DYNC2I1: variants seen among roughly 807,000 people sequenced by gnomAD.
DYNC2I1 encodes dynein 2 intermediate chain 1, also known as cytoplasmic dynein 2 intermediate chain 1.
DYNC2I1 carries 89 observed loss-of-function variants against 133.4 expected under a neutral mutation model. The observed-to-expected ratio is 0.67, with a 90% CI of 0.56 to 0.80. The LOEUF (loss-of-function observed/expected upper bound fraction) is 0.80, where lower values mean the gene tolerates loss of function less well. Among genes scored for constraint, DYNC2I1 ranks in the 30% least tolerant of loss-of-function variants. DYNC2I1 has a pLI of 0.00. For missense variants in DYNC2I1, 1,291 were observed against 1,314.5 expected (o/e 0.98, Z 0.28); for synonymous variants, 504 against 484.3 (o/e 1.04, Z -0.54).
At chr7:158,862,131 C>T (rs1841912188) in intron 1 of DYNC2I1, among the ~76,000 whole-genome samples, 1 of 152,128 alleles carries the variant, frequency 6.6e-6, no homozygotes, top group African/African-American at 2.4e-5. Flanking sequence ...GCCGTTAGTG[C>T]TCCTGCTCAT....
At chr7:158,953,031 T>C (rs1852101446) in intron 4 of DYNC2I1, among the ~76,000 whole-genome samples, 1 of 152,186 alleles carries the variant, frequency 6.6e-6, no homozygotes, top group African/African-American at 2.4e-5. Context: ...CCAGGTGGCA[T>C]CCGCACCCAT....
At chr7:158,915,653 G>A (rs1354147285) in intron 14 of DYNC2I1, among the ~76,000 whole-genome samples, 33 of 142,326 alleles carry the variant, frequency 2.3e-4, no homozygotes, top group African/African-American at 6.1e-4. Flanking sequence ...ACCTCGACAC[G>A]GTGGTTGACA....
intron 20 of DYNC2I1, among the ~76,000 whole-genome samples, chr7:158,927,678 A>C (rs780480598): frequency 5.3e-5 from 8 of 151,934 alleles, no homozygotes; most frequent in Non-Finnish European, 2.9e-5. Flanking sequence ...CAACCTCCCA[A>C]GTAGCTGGGA....
chr7:158,920,151 CAT>C (rs1478544343), intron 15 of DYNC2I1, among the ~76,000 whole-genome samples: 16 of 151,078 alleles, frequency 1.1e-4, no homozygotes, highest in Non-Finnish European at 2.4e-4. Context: ...CGTCAGAGAA[CAT>C]GTGAAGTGTG....
At chr7:158,911,470 A>G (rs1191199522) in intron 11 of DYNC2I1, 80 bp from the exon 12 acceptor site, 1 of 1,470,590 alleles carries the variant, frequency 6.8e-7, no homozygotes. Flanking sequence ...TTTAACTCTA[A>G]GTTTACTTCT....
chr7:158,879,699 A>C lies in DYNC2I1; in HGVS notation c.589A>C (p.Ser197Arg). Residue 197 changes from serine (S) to arginine (R), a missense_variant, in exon 5 of 25, where the codon AGC becomes CGC. By Grantham distance (110) the Ser-to-Arg change is moderately radical. Transcript: ENST00000407559. ...YRERKLQYGDSKDNPLKYWLY... is the reference protein window; with the variant it reads ...YRERKLQYGDRKDNPLKYWLY... ...TGTTTTACAGCTGCAGTACGGAGAC[A>C]GCAAGGACAACCCTCTCAAGTACTG... 6.3e-7 allele frequency: 1 copy of C among 1,587,722 alleles called. No individual in the cohort carries two copies. Among genetic ancestry groups the C allele is most frequent in the Non-Finnish European group, 8.5e-7 (1 of 1,172,196 alleles).
intron 23 of DYNC2I1, among the ~76,000 whole-genome samples, chr7:158,935,367 A>T (rs1240997348): frequency 6.6e-6 from 1 of 152,272 alleles, no homozygotes; most frequent in Non-Finnish European, 1.5e-5. Context: ...GACAGAAGGC[A>T]AAATATTAAA....
upstream of DYNC2I1, among the ~76,000 whole-genome samples, chr7:158,853,634 C>T (rs1007940566): frequency 6.6e-5 from 10 of 151,052 alleles, no homozygotes; most frequent in South Asian, 2.1e-4. Context: ...CACGCAGAGC[C>T]GGCTGTATGG....
At chr7:158,893,994 CATATCATACCGT>C (rs1213940380) in intron 8 of DYNC2I1, among the ~76,000 whole-genome samples, 1 of 151,970 alleles carries the variant, frequency 6.6e-6, no homozygotes, top group Admixed American at 6.6e-5. Flanking sequence ...TGTCACACCA[CATATCATACCGT>C]ATATCATAGT....
chr7:158,949,074 C>T (rs901124880), downstream of DYNC2I1, among the ~76,000 whole-genome samples: 6 of 152,294 alleles, frequency 3.9e-5, no homozygotes, highest in East Asian at 9.7e-4. Flanking sequence ...CGTCTGCCCC[C>T]GAGAGAGCAG....
At chr7:158,929,053 TGAGTATTTCATTTTAA>T (rs1267859023) in intron 20 of DYNC2I1, among the ~76,000 whole-genome samples, 1 of 152,190 alleles carries the variant, frequency 6.6e-6, no homozygotes. Flanking sequence ...CCTGGGGTGG[TGAGTATTTCATTTTAA>T]AATATTGATG....
Position 158,941,967 on chromosome 7 carries a change from TCC to T in DYNC2I1, c.2822_2823del (p.Ser941CysfsTer69), listed in dbSNP as rs748826622. The T allele has an allele frequency of 1.9e-6, 3 of 1,612,156 alleles. No homozygotes were observed. Among genetic ancestry groups the T allele is most frequent in the Non-Finnish European group, 2.5e-6 (3 of 1,179,234 alleles). ...DGSIRLHQLSSAFPLLQWDSS... is the reference protein window; with the variant it reads ...DGSIRLHQLSXAFPLLQWDSS... ...AAGCATCAGGCTGCACCAGCTGAGC[TCC>T]GCGTTTCCGCTCCTGCAGTGGGACA... On this transcript the variant is annotated frameshift_variant, in exon 24 of 25. Coordinates refer to ENST00000407559, the MANE Select transcript of DYNC2I1 (RefSeq NM_018051.5). LOFTEE classifies it high-confidence loss of function.
Position 158,945,463 on chromosome 7 carries a change from T to C in DYNC2I1, c.3003-118T>C. 9.4e-6 allele frequency: 11 copies of C among 1,171,328 alleles called. No individual in the cohort carries two copies. Among genetic ancestry groups the C allele is most frequent in the South Asian group, 1.6e-5 (1 of 62,912 alleles). 72.6% of individuals were successfully genotyped at this position (1,171,328 alleles called of 1,614,324 possible). ...AGCTTTCATTTTGGCTATTGGTATT[T>C]TTAGAATTTCTCATCCGTTTCACTC... On this transcript the variant is annotated intron_variant, in intron 24 of 24. Transcript: ENST00000407559. This position sits in a 1 kb window ranked among gnomAD's most constrained non-coding sequence, Gnocchi z 4.1.
intron 17 of DYNC2I1, among the ~76,000 whole-genome samples, chr7:158,924,760 T>C (rs1849448033): frequency 6.6e-6 from 1 of 152,068 alleles, no homozygotes; most frequent in Non-Finnish European, 1.5e-5. Flanking sequence ...AATACATCCT[T>C]CTTTTTTTTT....
At chr7:158,839,713 G>C in the DYNC2I1 span, among the ~76,000 whole-genome samples, 1 of 152,110 alleles carries the variant, frequency 6.6e-6, no homozygotes, top group Admixed American at 6.5e-5. Context: ...CCAGCTACTC[G>C]GGAGGCTGAG....
intron 11 of DYNC2I1, among the ~76,000 whole-genome samples, chr7:158,910,251 C>A (rs1171164916): frequency 6.6e-6 from 1 of 152,228 alleles, no homozygotes; most frequent in Admixed American, 6.5e-5. Flanking sequence ...CACGTGGGTG[C>A]GGCGTTTCGG....
At chr7:158,859,463 G>C (rs779570347) in intron 1 of DYNC2I1, among the ~76,000 whole-genome samples, 44 of 152,140 alleles carry the variant, frequency 2.9e-4, no homozygotes, top group Non-Finnish European at 5.6e-4. Context: ...TTTGACATTT[G>C]ACTGTCCCTT....
chr7:158,859,529 G>C (rs1447149495), intron 1 of DYNC2I1, among the ~76,000 whole-genome samples: 17 of 152,100 alleles, frequency 1.1e-4, no homozygotes, highest in Admixed American at 1.1e-3. Context: ...TTGAGACAGA[G>C]TCTCGCTCTG....
At chr7:158,916,813 G>A (rs1848381683) in intron 14 of DYNC2I1, among the ~76,000 whole-genome samples, 1 of 55,220 alleles carries the variant, frequency 1.8e-5, no homozygotes, top group African/African-American at 6.8e-5. Flanking sequence ...AAGGATGATT[G>A]TGAAACGTCG....
Sources: gnomAD v4.1 joint callset for allele counts (sites outside exome capture counted in the v4.1 genomes callset) on GRCh38, gnomAD v4.1.1 for gene constraint, Gnocchi (gnomAD v3.1) non-coding constraint, MANE v1.5 for transcripts, NCBI Gene and HGNC (gene_info 2026-07-23, HGNC 2026-07-21) for gene names.